PRKAA2: variants seen among roughly 807,000 people sequenced by gnomAD.
The protein encoded by PRKAA2 is 5'-AMP-activated protein kinase catalytic subunit alpha-2.
PRKAA2 carries 40 observed loss-of-function variants against 56.3 expected under a neutral mutation model. The ratio of observed to expected loss-of-function variants is 0.71; its 90% CI spans 0.55 to 0.92. PRKAA2 has a LOEUF of 0.92. Ranked by LOEUF, PRKAA2 falls within the 40% of genes least tolerant of loss-of-function variation. The pLI is 0.00. For synonymous variants in PRKAA2, 214 were observed against 234.2 expected (o/e 0.91, Z 0.79); for missense variants, 542 against 686.9 (o/e 0.79, Z 2.36).
intron 1 of PRKAA2, among the ~76,000 whole-genome samples, chr1:56,667,111 A>G (rs563771579): frequency 2.1e-4 from 32 of 152,192 alleles, no homozygotes; most frequent in Non-Finnish European, 3.7e-4. Context: ...GTCAAAAGCA[A>G]TTAGTGGAAA....
intron 6 of PRKAA2, among the ~76,000 whole-genome samples, chr1:56,702,003 G>A (rs1644297322): frequency 6.6e-6 from 1 of 151,956 alleles, no homozygotes; most frequent in African/African-American, 2.4e-5. Flanking sequence ...TTTTATCTTT[G>A]TACATATCCT....
chr1:56,646,388 A>G (rs1018183348), intron 1 of PRKAA2, among the ~76,000 whole-genome samples: 18 of 152,192 alleles, frequency 1.2e-4, no homozygotes, highest in African/African-American at 3.9e-4. Flanking sequence ...CTGCTAAGGC[A>G]TATTCTGCTA....
At chr1:56,693,928 A>G (rs1373134450) in intron 5 of PRKAA2, 76 bp downstream of exon 5, 17 of 990,900 alleles carry the variant, frequency 1.7e-5, no homozygotes, top group Non-Finnish European at 2.5e-5. Flanking sequence ...TATATTCTCT[A>G]TGGAAGGTAA....
At chr1:56,696,450 G>A (rs1055733892) in intron 6 of PRKAA2, among the ~76,000 whole-genome samples, 9 of 151,976 alleles carry the variant, frequency 5.9e-5, no homozygotes, top group Admixed American at 2.0e-4. Flanking sequence ...ATTTCCACAC[G>A]TGCTTCCATT....
intron 2 of PRKAA2, 99 bp downstream of exon 2, chr1:56,674,621 A>G (rs1644100446): frequency 9.3e-7 from 1 of 1,080,850 alleles, no homozygotes; most frequent in Non-Finnish European, 1.3e-6. Flanking sequence ...TTTTACAAAG[A>G]TTTTTTTTCA....
At position 56,655,726 on chromosome 1, in the gene PRKAA2, G is replaced by A. The variant is rs78750571; in HGVS notation, c.94+10245G>A. Among the ~76,000 whole-genome samples, 913 of 152,246 alleles carry A rather than the reference G, an allele frequency of 6.0e-3. 5 individuals are homozygous for A. The highest frequency in any genetic ancestry group is 0.021 in the African/African-American group (870 of 41,544). On this transcript the variant is annotated intron_variant, in intron 1 of 8. Transcript: ENST00000371244. ...GGCTAAAAGGCAGAAGAACTAGGAA[G>A]AGTTTGAGTCTTGTGAGGCAACAGT... is the stretch of plus-strand genomic sequence containing the variant.
In PRKAA2 at chr1:56,710,792, A is replaced by T. The variant is rs573567963; in HGVS notation, c.*3079A>T. The T allele has an allele frequency of 6.6e-6, 1 of 151,702 alleles. No individual in the cohort carries two copies. The highest frequency in any genetic ancestry group is 2.1e-4 in the South Asian group (1 of 4,810). 9.4% of individuals were successfully genotyped at this position (151,702 alleles called of 1,614,324 possible). A position where few individuals can be genotyped will look rare whatever the true frequency, so the allele number is the denominator to read the frequency against. On this transcript the variant is annotated 3_prime_UTR_variant, in exon 9 of 9. Transcript: ENST00000371244. ...AAAACCTGAAACAAGATTACTTGTT[A>T]AAAAAAAGTCTAAGAGACTAATGAC... is the stretch of plus-strand genomic sequence containing the variant.
intron 1 of PRKAA2, among the ~76,000 whole-genome samples, chr1:56,661,447 T>A (rs889352724): frequency 1.3e-5 from 2 of 152,186 alleles, no homozygotes; most frequent in African/African-American, 4.8e-5. Context: ...AATTCTACTG[T>A]ATCTGGCTTC....
intron 1 of PRKAA2, among the ~76,000 whole-genome samples, chr1:56,659,130 T>A (rs1186767459): frequency 6.6e-6 from 1 of 151,954 alleles, no homozygotes; most frequent in East Asian, 1.9e-4. Context: ...CTCTATTTTT[T>A]AATCTTAAAT....
chr1:56,668,635 C>T (rs1384221621), intron 1 of PRKAA2, among the ~76,000 whole-genome samples: 1 of 151,746 alleles, frequency 6.6e-6, no homozygotes, highest in Non-Finnish European at 1.5e-5. Flanking sequence ...TTTAATTGTT[C>T]CTTTTGTTTT....
intron 2 of PRKAA2, among the ~76,000 whole-genome samples, chr1:56,686,651 A>G (rs1042031981): frequency 1.3e-5 from 2 of 152,036 alleles, no homozygotes; most frequent in African/African-American, 4.8e-5. Flanking sequence ...TCTCCTTTAA[A>G]CAACCAGCTC....
intron 8 of PRKAA2, among the ~76,000 whole-genome samples, chr1:56,706,955 ATGT>A (rs1553150971): frequency 2.0e-5 from 3 of 152,256 alleles, no homozygotes; most frequent in African/African-American, 4.8e-5. Context: ...TCGAAATTAC[ATGT>A]TGTTGTTATT....
intron 6 of PRKAA2, among the ~76,000 whole-genome samples, chr1:56,703,603 A>C (rs1378208666): frequency 6.6e-6 from 1 of 152,216 alleles, no homozygotes; most frequent in South Asian, 2.1e-4. Flanking sequence ...ATTAACACCA[A>C]CTTTATCAGA....
At chr1:56,707,302 A>G (rs1421804389) in intron 8 of PRKAA2, among the ~76,000 whole-genome samples, 173 bp from the exon 9 acceptor site, 2 of 152,148 alleles carry the variant, frequency 1.3e-5, no homozygotes, top group African/African-American at 4.8e-5. Flanking sequence ...GATGTTTGTT[A>G]TGATTGTTGG....
intron 1 of PRKAA2, among the ~76,000 whole-genome samples, chr1:56,655,760 G>A (rs759964001): frequency 6.6e-5 from 10 of 152,048 alleles, no homozygotes; most frequent in East Asian, 3.9e-4. Flanking sequence ...GTTGGAGTTC[G>A]CAGTTTATCA....
intron 7 of PRKAA2, among the ~76,000 whole-genome samples, chr1:56,705,147 A>T (rs973636537): frequency 1.3e-5 from 2 of 152,194 alleles, no homozygotes; most frequent in Non-Finnish European, 2.9e-5. Flanking sequence ...AGGAAGAAGA[A>T]AAATGTGCAA....
At chr1:56,667,376 A>C (rs1306220387) in intron 1 of PRKAA2, among the ~76,000 whole-genome samples, 1 of 152,140 alleles carries the variant, frequency 6.6e-6, no homozygotes, top group Non-Finnish European at 1.5e-5. Flanking sequence ...GGAAGGCTAT[A>C]TCTCTAGCAT....
intron 2 of PRKAA2, among the ~76,000 whole-genome samples, chr1:56,678,945 T>C (rs888832418): frequency 2.6e-5 from 4 of 152,106 alleles, no homozygotes; most frequent in African/African-American, 4.8e-5. Context: ...CTGCCCACCT[T>C]GGCCTCCCAA....
At chr1:56,661,105 G>T (rs1643990274) in intron 1 of PRKAA2, among the ~76,000 whole-genome samples, 1 of 152,070 alleles carries the variant, frequency 6.6e-6, no homozygotes, top group Non-Finnish European at 1.5e-5. Flanking sequence ...ATGAGTTAAG[G>T]TTGCTGACCA....
Sources: gnomAD v4.1 joint callset for allele counts (sites outside exome capture counted in the v4.1 genomes callset) on GRCh38, gnomAD v4.1.1 for gene constraint, MANE v1.5 for transcripts, NCBI Gene and HGNC (gene_info 2026-07-23, HGNC 2026-07-21) for gene names.